The following ZP2 variants were observed in gnomAD, a reference collection of about 807,000 sequenced individuals.
The protein encoded by ZP2 is zona pellucida sperm-binding protein 2.
A neutral mutation model predicts 84.0 loss-of-function variants in ZP2; 51 were observed. That is an observed-to-expected ratio of 0.61 (90% CI 0.49 to 0.77). ZP2 has a LOEUF of 0.77. Among genes scored for constraint, ZP2 ranks in the 30% least tolerant of loss-of-function variants. ZP2 has a pLI of 0.00. For synonymous variants in ZP2, 375 were observed against 330.9 expected (o/e 1.13, Z -1.45); for missense variants, 909 against 911.9 (o/e 1.00, Z 0.04).
intron 3 of ZP2, 42 bp from the exon 4 acceptor site, chr16:21,209,767 T>C: frequency 6.4e-7 from 1 of 1,568,276 alleles, no homozygotes; most frequent in African/African-American, 1.4e-5. Context: ...GCTGAGTACA[T>C]TTCAGTGACA....
intron 4 of ZP2, 101 bp downstream of exon 4, chr16:21,209,530 C>T: frequency 9.9e-7 from 1 of 1,011,176 alleles, no homozygotes; most frequent in Non-Finnish European, 1.5e-6. Context: ...GGTTGAGAGC[C>T]ACTGCTTTAC....
At chr16:21,200,232 G>A (rs2093219038) in intron 14 of ZP2, among the ~76,000 whole-genome samples, 1 of 152,194 alleles carries the variant, frequency 6.6e-6, no homozygotes, top group South Asian at 2.1e-4. Flanking sequence ...GAGGTCAGGA[G>A]TCTAAGACCA....
At chr16:21,199,987 T>C (rs2152854632) in intron 14 of ZP2, 109 bp from the exon 15 acceptor site, 1 of 1,401,532 alleles carries the variant, frequency 7.1e-7, no homozygotes, top group African/African-American at 1.4e-5. Context: ...ATTGCCATAT[T>C]TACCTTCTAC....
At chr16:21,209,192 G>A (rs1321224829) in intron 4 of ZP2, among the ~76,000 whole-genome samples, 4 of 152,134 alleles carry the variant, frequency 2.6e-5, no homozygotes, top group African/African-American at 9.7e-5. Flanking sequence ...CCTCCAGACA[G>A]TTTTGCTCTT....
At chr16:21,208,864 G>C (rs1226018861) in intron 4 of ZP2, among the ~76,000 whole-genome samples, 1 of 152,278 alleles carries the variant, frequency 6.6e-6, no homozygotes, top group African/African-American at 2.4e-5. Flanking sequence ...CCATGGAGCA[G>C]GCACCATTAC....
rs1276562756 is a variant in ZP2 at position 21,211,507 on chromosome 16, C to G, written c.41G>C (p.Gly14Ala). The G allele has an allele frequency of 6.2e-7, 1 of 1,614,100 alleles. No individual in the cohort carries two copies. The highest frequency in any genetic ancestry group is 8.5e-7 in the Non-Finnish European group (1 of 1,180,046). The stretch of plus-strand genomic sequence containing the variant: ...TCACCTCCAGCCTGCATTGAACCAG[C>G]CTGAGGGACTCCAAGAGCCTCCTCT... ...RQRGGSWSPSGWFNAGWSTYR... is the reference protein window; with the variant it reads ...RQRGGSWSPSAWFNAGWSTYR... The change falls in exon 1 of 19, where the codon GGC becomes GCC. Residue 14 changes from glycine to alanine, a missense_variant. Gly to Ala is a moderately conservative substitution (Grantham distance 60). Transcript: ENST00000574091.
At chr16:21,210,311 C>G (rs1597591331) in intron 2 of ZP2, 119 bp from the exon 3 acceptor site, 1 of 761,456 alleles carries the variant, frequency 1.3e-6, no homozygotes, top group Admixed American at 2.1e-5. Flanking sequence ...GAATCGTCCC[C>G]TACCCTGGGA....
chr16:21,203,472 T>C (rs766787221), intron 9 of ZP2, among the ~76,000 whole-genome samples: 10 of 152,208 alleles, frequency 6.6e-5, no homozygotes, highest in Non-Finnish European at 1.2e-4. Context: ...TACCCAGCAC[T>C]GTACTCTTTG....
chr16:21,199,384 C>T (rs1245593590), intron 16 of ZP2, among the ~76,000 whole-genome samples, 186 bp downstream of exon 16: 1 of 129,470 alleles, frequency 7.7e-6, no homozygotes, highest in Non-Finnish European at 1.6e-5. Flanking sequence ...TAGAACTAGA[C>T]AAGAAACTGT....
At position 21,198,092 on chromosome 16, in the gene ZP2, A is replaced by ATTTT. The variant is rs34614859; in HGVS notation, c.2012-247_2012-244dup. On this transcript the variant is annotated intron_variant, in intron 17 of 18. Coordinates refer to ENST00000574091, the MANE Select transcript of ZP2 (RefSeq NM_001376232.1). ...ACTACTATACAAGAAATTCAAGAGG[A>ATTTT]TTTTTTTTTTTTTTTTTTGTGGCCG... 102 of 254,578 alleles carry ATTTT rather than the reference A, an allele frequency of 4.0e-4. 1 individual carries two copies. The highest frequency in any genetic ancestry group is 1.4e-3 in the Middle Eastern group (1 of 712). 15.8% of individuals were successfully genotyped at this position (254,578 alleles called of 1,614,324 possible). A position where few individuals can be genotyped will look rare whatever the true frequency, so the allele number is the denominator to read the frequency against.
At chr16:21,203,310 G>A in intron 9 of ZP2, 59 bp from the exon 10 acceptor site, 1 of 1,602,216 alleles carries the variant, frequency 6.2e-7, no homozygotes, top group African/African-American at 1.3e-5. Flanking sequence ...AACCGTCACA[G>A]GGAGGCAGGA....
In ZP2 at chr16:21,197,867, G is replaced by A. The variant is rs757553483; in HGVS notation, c.2012-18C>T. On this transcript the variant is annotated intron_variant, in intron 17 of 18. Transcript: ENST00000574091. ...GCCGACACCTGGGAAGAACCTGAGA[G>A]TTTAGTACAACATCTTCATGCTAGT... 3.1e-6 allele frequency: 5 copies of A among 1,612,564 alleles called. No homozygotes were observed. The South Asian group carries it at 4.4e-5, about 14-fold the overall frequency.
Position 21,202,308 on chromosome 16 carries a change from G to A in ZP2, c.1100-17C>T, listed in dbSNP as rs936349027. 2 of 1,487,512 alleles carry A rather than the reference G, an allele frequency of 1.3e-6. No individual in the cohort carries two copies. The highest frequency in any genetic ancestry group is 5.1e-5 in the Admixed American group (2 of 39,448). The allele number at this position is 1,487,512 out of a possible 1,614,324, so 92.1% of individuals were successfully genotyped here. ...CCCCTGTAACTAGACAGCGGTGAAA[G>A]TTTAGAGAAAATAAGTTTGTCTGCC... is the stretch of plus-strand genomic sequence containing the variant. On this transcript the variant is annotated splice_polypyrimidine_tract_variant and intron_variant, in intron 10 of 18. Coordinates refer to ENST00000574091, the MANE Select transcript of ZP2 (RefSeq NM_001376232.1).
At chr16:21,198,257 C>A (rs1299259756) in intron 17 of ZP2, among the ~76,000 whole-genome samples, 5 of 151,886 alleles carry the variant, frequency 3.3e-5, no homozygotes, top group Non-Finnish European at 7.4e-5. Flanking sequence ...TAGCTGGGCA[C>A]AGTGGCAGGT....
At chr16:21,197,650 T>C in intron 18 of ZP2, 28 bp from the exon 19 acceptor site, 1 of 1,613,784 alleles carries the variant, frequency 6.2e-7, no homozygotes. Context: ...ATTTGAGTCT[T>C]AAGTATTTTT....
chr16:21,208,647 T>C (rs1170192699), intron 4 of ZP2, among the ~76,000 whole-genome samples: 1 of 152,232 alleles, frequency 6.6e-6, no homozygotes, highest in Admixed American at 6.5e-5. Context: ...ATACTGTTGC[T>C]TGGCAATAGA....
In ZP2 at chr16:21,204,110, G is replaced by A; in HGVS notation, c.892C>T (p.Gln298Ter). ...AGATCAATTCCATTGTCATGCAGCT[G>A]GCTCACATCAATGTTCTGGTTTTCA... ...SFENQNIDVS[Q>*]LHDNGIDLEA... The change falls in exon 9 of 19, where the codon CAG becomes TAG. Residue 298 changes from glutamine to a stop codon, truncating the protein, a stop_gained. Coordinates refer to ENST00000574091, the MANE Select transcript of ZP2 (RefSeq NM_001376232.1). LOFTEE classifies it high-confidence loss of function. 6.2e-7 allele frequency: 1 copy of A among 1,614,138 alleles called. No individual in the cohort carries two copies. Among genetic ancestry groups the A allele is most frequent in the Non-Finnish European group, 8.5e-7 (1 of 1,180,038 alleles).
intron 9 of ZP2, 38 bp downstream of exon 9, chr16:21,203,992 G>T: frequency 6.2e-7 from 1 of 1,605,324 alleles, no homozygotes; most frequent in Non-Finnish European, 8.5e-7. Context: ...CTTCAAGTCA[G>T]GACCCGGTGG....
intron 10 of ZP2, among the ~76,000 whole-genome samples, chr16:21,202,806 G>A (rs538991349): frequency 6.6e-6 from 1 of 151,850 alleles, no homozygotes; most frequent in Non-Finnish European, 1.5e-5. Flanking sequence ...AGGAATTTTG[G>A]GGTGGGGGGG....
Sources: gnomAD v4.1 joint callset for allele counts (sites outside exome capture counted in the v4.1 genomes callset) on GRCh38, gnomAD v4.1.1 for gene constraint, MANE v1.5 for transcripts, NCBI Gene and HGNC (gene_info 2026-07-23, HGNC 2026-07-21) for gene names.